ROBO2: variants seen among roughly 807,000 people sequenced by gnomAD.
ROBO2 encodes roundabout homolog 2.
A neutral mutation model predicts 160.8 loss-of-function variants in ROBO2; 53 were observed. The observed-to-expected ratio is 0.33, with a 90% CI of 0.26 to 0.41. The LOEUF (loss-of-function observed/expected upper bound fraction) is 0.41. ROBO2 is among the 10% of genes least tolerant of loss of function. ROBO2 has a pLI of 1.00. For missense variants in ROBO2, 1,577 were observed against 1,722.4 expected (o/e 0.92, Z 1.49); for synonymous variants, 664 against 611.7 (o/e 1.09, Z -1.26).
chr3:76,053,141 G>T (rs894808290), intron 2 of ROBO2, among the ~76,000 whole-genome samples: 2 of 151,946 alleles, frequency 1.3e-5, no homozygotes, highest in Non-Finnish European at 2.9e-5. Context: ...TGTTGACATT[G>T]ATATAATCCA....
chr3:77,503,473 A>G (rs575741312), intron 5 of ROBO2, among the ~76,000 whole-genome samples: 33 of 151,002 alleles, frequency 2.2e-4, no homozygotes, highest in Admixed American at 1.6e-3. Flanking sequence ...GCAGTGAGCC[A>G]AGATCGCGCC....
chr3:77,533,941 T>G (rs2091925742), intron 6 of ROBO2, among the ~76,000 whole-genome samples: 1 of 152,080 alleles, frequency 6.6e-6, no homozygotes, highest in Non-Finnish European at 1.5e-5. Flanking sequence ...TTTTAGCTTA[T>G]TTTCTACAGT....
rs56787695 is a variant in ROBO2, at chr3:75,911,552, C to CTTTTTTTTTTT, written c.-14+4605_-14+4615dup. Among the ~76,000 whole-genome samples the CTTTTTTTTTTT allele has an allele frequency of 4.3e-3, 359 of 83,520 alleles. 6 individuals carry two copies. Among genetic ancestry groups the CTTTTTTTTTTT allele is most frequent in the Middle Eastern group, 0.012 (1 of 84 alleles). The allele number at this position is 83,520 out of a possible 152,430, so 54.8% of individuals were successfully genotyped here. A position where few individuals can be genotyped will look rare whatever the true frequency, so the allele number is the denominator to read the frequency against. On this transcript the variant is annotated intron_variant, in intron 1 of 26. Coordinates refer to the ROBO2 transcript ENST00000487694. ...AAGATCCCTTTCTGAAGCCTTGTTT[C>CTTTTTTTTTTT]TTTTTTTTTTTTTTTTTTTTTTTGA...
At chr3:77,225,288 A>C (rs1404183300) in intron 2 of ROBO2, among the ~76,000 whole-genome samples, 1 of 151,870 alleles carries the variant, frequency 6.6e-6, no homozygotes, top group African/African-American at 2.4e-5. Flanking sequence ...ATGTTGTTTC[A>C]TTGTACTGAA....
intron 2 of ROBO2, among the ~76,000 whole-genome samples, chr3:77,025,226 A>T (rs1207224967): frequency 6.6e-6 from 1 of 152,146 alleles, no homozygotes; most frequent in Non-Finnish European, 1.5e-5. Flanking sequence ...TTTGCATTTG[A>T]GCTCTTAGTT....
intron 2 of ROBO2, among the ~76,000 whole-genome samples, chr3:76,614,328 C>T (rs191925040): frequency 1.5e-4 from 23 of 152,160 alleles, no homozygotes; most frequent in Admixed American, 1.1e-3. Flanking sequence ...TCAAATCGAG[C>T]ACTGGAAAGT....
intron 22 of ROBO2, among the ~76,000 whole-genome samples, chr3:77,621,359 A>G (rs1242301141): frequency 6.6e-6 from 1 of 152,092 alleles, no homozygotes; most frequent in Non-Finnish European, 1.5e-5. Flanking sequence ...CTGGGAAGTC[A>G]GGGCTGTAGT....
intron 2 of ROBO2, among the ~76,000 whole-genome samples, chr3:76,535,470 G>T (rs986489448): frequency 6.6e-6 from 1 of 152,008 alleles, no homozygotes; most frequent in Non-Finnish European, 1.5e-5. Context: ...GTCAAGGAAG[G>T]AGTAGAGGTA....
intron 2 of ROBO2, among the ~76,000 whole-genome samples, chr3:77,346,381 C>T (rs184651862): frequency 6.6e-6 from 1 of 152,210 alleles, no homozygotes; most frequent in African/African-American, 2.4e-5. Context: ...AACCTTCTCC[C>T]TGGGTCCAGT....
intron 2 of ROBO2, among the ~76,000 whole-genome samples, chr3:77,318,286 A>C (rs1159115518): frequency 6.6e-6 from 1 of 152,130 alleles, no homozygotes; most frequent in Non-Finnish European, 1.5e-5. Context: ...CGCCCACCTC[A>C]GTCTCCCAAA....
At chr3:77,121,206 A>G (rs79132664) in intron 2 of ROBO2, among the ~76,000 whole-genome samples, 12,158 of 152,046 alleles carry the variant, frequency 0.08, 753 homozygotes, top group East Asian at 0.23. Flanking sequence ...CGGCCTCCCA[A>G]AGTGCTGTGA....
intron 2 of ROBO2, among the ~76,000 whole-genome samples, chr3:76,581,175 A>G (rs1358450487): frequency 6.6e-6 from 1 of 152,198 alleles, no homozygotes; most frequent in African/African-American, 2.4e-5. Context: ...ACAAACACAT[A>G]TAAGGAAATA....
intron 2 of ROBO2, among the ~76,000 whole-genome samples, chr3:77,279,246 C>G (rs1290342419): frequency 6.6e-6 from 1 of 151,880 alleles, no homozygotes; most frequent in Non-Finnish European, 1.5e-5. Context: ...ATATAATTGC[C>G]CATGACCATA....
intron 2 of ROBO2, among the ~76,000 whole-genome samples, chr3:77,293,103 C>A (rs562079326): frequency 6.8e-6 from 1 of 146,484 alleles, no homozygotes; most frequent in South Asian, 2.2e-4. Flanking sequence ...GGCGGTTAAA[C>A]GGGTAAGCTG....
intron 2 of ROBO2, among the ~76,000 whole-genome samples, chr3:77,271,790 C>T (rs2059508979): frequency 6.6e-6 from 1 of 152,148 alleles, no homozygotes; most frequent in Non-Finnish European, 1.5e-5. Context: ...CCCCATGGGC[C>T]CTGACTTTAC....
At chr3:77,504,095 G>A (rs557360655) in intron 5 of ROBO2, among the ~76,000 whole-genome samples, 1 of 152,268 alleles carries the variant, frequency 6.6e-6, no homozygotes, top group South Asian at 2.1e-4. Context: ...TAGCCCTAGG[G>A]CTCAGTGAGT....
chr3:76,110,921 C>A (rs1266806079), intron 2 of ROBO2, among the ~76,000 whole-genome samples: 2 of 152,034 alleles, frequency 1.3e-5, no homozygotes, highest in Non-Finnish European at 2.9e-5. Context: ...TCTTTTCAAT[C>A]TTAATCTAGT....
chr3:77,625,228 G>T (rs2094986617), intron 23 of ROBO2, among the ~76,000 whole-genome samples: 1 of 152,076 alleles, frequency 6.6e-6, no homozygotes, highest in Non-Finnish European at 1.5e-5. Flanking sequence ...TATATTTGCA[G>T]GTCTGCTGTT....
intron 2 of ROBO2, among the ~76,000 whole-genome samples, chr3:76,188,431 G>A (rs1050153777): frequency 3.3e-5 from 5 of 152,076 alleles, no homozygotes; most frequent in Admixed American, 3.3e-4. Context: ...GCATCTGCAA[G>A]CCAAGGAATA....
Sources: gnomAD v4.1 joint callset for allele counts (sites outside exome capture counted in the v4.1 genomes callset) on GRCh38, gnomAD v4.1.1 for gene constraint, MANE v1.5 for transcripts, NCBI Gene and HGNC (gene_info 2026-07-23, HGNC 2026-07-21) for gene names.